The following PDE1C variants were observed in gnomAD, a reference collection of about 807,000 sequenced individuals.
PDE1C encodes the protein dual specificity calcium/calmodulin-dependent 3',5'-cyclic nucleotide phosphodiesterase 1C.
PDE1C carries 62 observed loss-of-function variants against 93.1 expected under a neutral mutation model. The ratio of observed to expected loss-of-function variants is 0.67; its 90% CI spans 0.54 to 0.82. The LOEUF is 0.82. Ranked by LOEUF, PDE1C falls within the 40% of genes least tolerant of loss-of-function variation. The pLI is 0.00. For synonymous variants in PDE1C, 325 were observed against 310.1 expected, an observed-to-expected ratio of 1.05 and a Z score of -0.50; for missense variants, 742 against 884.6, an observed-to-expected ratio of 0.84 and a Z score of 2.04.
chr7:32,139,660 C>CTGAT (rs1331440821), intron 3 of PDE1C, among the ~76,000 whole-genome samples: 4 of 152,110 alleles, frequency 2.6e-5, no homozygotes, highest in African/African-American at 7.2e-5. Context: ...GGAATTGATC[C>CTGAT]TGATTGGTAT....
At chr7:32,042,440 G>T (rs1394117746) in intron 2 of PDE1C, among the ~76,000 whole-genome samples, 2 of 152,210 alleles carry the variant, frequency 1.3e-5, no homozygotes, top group Non-Finnish European at 2.9e-5. Flanking sequence ...AGTTACCTCA[G>T]ATGAGTTACC....
At chr7:32,031,458 G>C (rs1196392632) in intron 2 of PDE1C, among the ~76,000 whole-genome samples, 2 of 152,158 alleles carry the variant, frequency 1.3e-5, no homozygotes, top group African/African-American at 4.8e-5. Flanking sequence ...CCTCTACACT[G>C]CTTCAAGGGC....
At chr7:32,291,084 A>G (rs1812300580) in intron 1 of PDE1C, among the ~76,000 whole-genome samples, 3 of 152,220 alleles carry the variant, frequency 2.0e-5, no homozygotes, top group Admixed American at 6.5e-5. Context: ...GATGTGTATT[A>G]ACTCCTCTAA....
the PDE1C span, among the ~76,000 whole-genome samples, chr7:31,704,148 G>C: frequency 6.6e-6 from 1 of 152,156 alleles, no homozygotes; most frequent in African/African-American, 2.4e-5. Context: ...GGGCAGTTTG[G>C]GACATCGAAG....
At chr7:31,907,977 G>A (rs1014777409) in intron 2 of PDE1C, among the ~76,000 whole-genome samples, 1 of 151,782 alleles carries the variant, frequency 6.6e-6, no homozygotes, top group African/African-American at 2.4e-5. Flanking sequence ...GGAGGGGCAG[G>A]GTGAGATAAA....
chr7:31,883,301 C>G (rs1047189093), intron 2 of PDE1C, among the ~76,000 whole-genome samples: 1 of 152,122 alleles, frequency 6.6e-6, no homozygotes, highest in Non-Finnish European at 1.5e-5. Flanking sequence ...AGTGGTCTTC[C>G]AAGGGAGTGA....
At chr7:32,387,727 G>A (rs1784665032) in intron 1 of PDE1C, among the ~76,000 whole-genome samples, 5 of 137,100 alleles carry the variant, frequency 3.6e-5, no homozygotes, top group Admixed American at 1.4e-4. Context: ...CCGGGCAGAG[G>A]GGCTCCTCAC....
intron 2 of PDE1C, among the ~76,000 whole-genome samples, chr7:31,967,643 C>A (rs924377451): frequency 5.9e-5 from 9 of 152,168 alleles, no homozygotes; most frequent in African/African-American, 1.9e-4. Context: ...CAAAGCCTGG[C>A]AGAGACACAA....
At chr7:32,420,287 G>A (rs13307281) in intron 1 of PDE1C, among the ~76,000 whole-genome samples, 14 of 26,516 alleles carry the variant, frequency 5.3e-4, no homozygotes, top group Non-Finnish European at 7.6e-4. Flanking sequence ...ATATACATGT[G>A]TATATATATG....
intron 1 of PDE1C, among the ~76,000 whole-genome samples, chr7:32,359,637 T>C (rs759793806): frequency 6.6e-6 from 1 of 152,234 alleles, no homozygotes; most frequent in Non-Finnish European, 1.5e-5. Context: ...CTATGTTTTA[T>C]TGTGTTTCTA....
At chr7:32,169,389 C>A (rs1014161465) in intron 3 of PDE1C, among the ~76,000 whole-genome samples, 1 of 152,126 alleles carries the variant, frequency 6.6e-6, no homozygotes, top group African/African-American at 2.4e-5. Flanking sequence ...GAAACCTTCC[C>A]CCAGCAAGAG....
At position 32,320,524 on chromosome 7, in the gene PDE1C, A is replaced by G. The variant is rs574428040; in HGVS notation, c.310+107298T>C. On this transcript the variant is annotated intron_variant, in intron 1 of 1. Transcript: ENST00000672256. ...TACCCCTGAACTTAAAAGTGGGGGG[A>G]AAAAGGTAGAGTTAAAGGGATTATG... Among the ~76,000 whole-genome samples, 186 of 133,250 alleles carry G rather than the reference A, an allele frequency of 1.4e-3. 1 individual carries two copies. The highest frequency in any genetic ancestry group is 4.3e-3 in the African/African-American group (172 of 40,002). The allele number at this position is 133,250 out of a possible 152,430, so 87.4% of individuals were successfully genotyped here. A position where few individuals can be genotyped will look rare whatever the true frequency, so the allele number is the denominator to read the frequency against.
At chr7:32,182,106 G>T (rs1170779579) in intron 2 of PDE1C, among the ~76,000 whole-genome samples, 1 of 152,168 alleles carries the variant, frequency 6.6e-6, no homozygotes, top group African/African-American at 2.4e-5. Flanking sequence ...CCAGGAAGAA[G>T]TTGAATCTCT....
At chr7:31,684,974 A>G in the PDE1C span, among the ~76,000 whole-genome samples, 2 of 152,248 alleles carry the variant, frequency 1.3e-5, no homozygotes, top group Non-Finnish European at 2.9e-5. Flanking sequence ...TTTATTTGTA[A>G]TAGCCAAACA....
chr7:31,648,089 T>C, the PDE1C span, among the ~76,000 whole-genome samples: 4 of 152,198 alleles, frequency 2.6e-5, no homozygotes, highest in African/African-American at 9.6e-5. Context: ...ATGAGATCTA[T>C]CAGAAATAAG....
chr7:32,024,128 T>G (rs1789089837), intron 2 of PDE1C, among the ~76,000 whole-genome samples: 1 of 152,078 alleles, frequency 6.6e-6, no homozygotes, highest in African/African-American at 2.4e-5. Context: ...GGTTTCTCTC[T>G]CCTGAGTTGA....
At chr7:31,971,848 TC>T (rs375616237) in intron 2 of PDE1C, among the ~76,000 whole-genome samples, 1 of 152,172 alleles carries the variant, frequency 6.6e-6, no homozygotes, top group African/African-American at 2.4e-5. Flanking sequence ...CTCTCATAGC[TC>T]CTTTACCCAC....
intron 2 of PDE1C, among the ~76,000 whole-genome samples, chr7:32,206,414 C>T (rs1805535057): frequency 6.6e-6 from 1 of 152,154 alleles, no homozygotes; most frequent in Admixed American, 6.5e-5. Flanking sequence ...TTGCATAAAA[C>T]AGACATGTCT....
At chr7:31,622,956 CAT>C in the PDE1C span, among the ~76,000 whole-genome samples, 2 of 152,186 alleles carry the variant, frequency 1.3e-5, no homozygotes, top group Non-Finnish European at 2.9e-5. Context: ...TACAAACTAG[CAT>C]CAGAGAATAC....
Sources: allele counts gnomAD v4.1 joint callset (sites outside exome capture counted in the v4.1 genomes callset), GRCh38; gene constraint gnomAD v4.1.1; transcripts MANE v1.5; gene names NCBI Gene and HGNC (gene_info 2026-07-23, HGNC 2026-07-21).